CORO2A: variants seen among roughly 807,000 people sequenced by gnomAD.
The protein encoded by CORO2A is coronin 2A.
In CORO2A, 47 loss-of-function variants were observed where a neutral mutation model predicts 62.4. That is an observed-to-expected ratio of 0.75 (90% confidence interval 0.60 to 0.96). The LOEUF is 0.96. Among genes scored for constraint, CORO2A ranks in the 40% least tolerant of loss-of-function variants. CORO2A has a pLI of 0.00. For synonymous variants in CORO2A, 273 were observed against 268.9 expected (o/e 1.02, Z -0.15); for missense variants, 610 against 684.1 (o/e 0.89, Z 1.21).
At chr9:98,155,155 T>G (rs192488557) in intron 2 of CORO2A, among the ~76,000 whole-genome samples, 1 of 152,286 alleles carries the variant, frequency 6.6e-6, no homozygotes, top group East Asian at 1.9e-4. Context: ...GTTGAGTAGT[T>G]TTTCAAATGC....
At chr9:98,153,308 C>A (rs1367130436) in intron 2 of CORO2A, among the ~76,000 whole-genome samples, 2 of 152,022 alleles carry the variant, frequency 1.3e-5, no homozygotes, top group African/African-American at 4.8e-5. Flanking sequence ...ACCATGTTGG[C>A]CAGGCTGATG....
At chr9:98,138,096 T>C (rs1346834702) in intron 2 of CORO2A, among the ~76,000 whole-genome samples, 1 of 152,176 alleles carries the variant, frequency 6.6e-6, no homozygotes, top group Admixed American at 6.5e-5. Context: ...ACCCAGCAAT[T>C]CCACTCCTAG....
rs1308810450 is a variant in CORO2A at position 98,162,470 on chromosome 9, C to A, written c.1-4810G>T. On this transcript the variant is annotated intron_variant, in intron 1 of 11. Coordinates refer to ENST00000375077, the MANE Select transcript of CORO2A (RefSeq NM_052820.4). ...TGTCCGTCCCCCAATCCTCTCCCCACCCTAACTCTTATTTGCACTGCTAAG... is the reference window on the plus strand; with the variant it reads ...TGTCCGTCCCCCAATCCTCTCCCCAACCTAACTCTTATTTGCACTGCTAAG... 3.3e-5 allele frequency among the ~76,000 whole-genome samples: 5 copies of A among 152,320 alleles called. No homozygotes were observed. In the East Asian group the frequency reaches 9.6e-4, roughly 29 times the overall value.
At chr9:98,186,743 G>A (rs183757276) in intron 1 of CORO2A, among the ~76,000 whole-genome samples, 28 of 152,224 alleles carry the variant, frequency 1.8e-4, no homozygotes, top group African/African-American at 6.0e-4. Context: ...TTGGGTTAAC[G>A]TATATAAAAT....
At chr9:98,172,714 T>G (rs1444719405) in intron 1 of CORO2A, 1 of 152,302 alleles carries the variant, frequency 6.6e-6, no homozygotes, top group Non-Finnish European at 1.5e-5. Flanking sequence ...GAGAGGATGG[T>G]GAGGTACCTC....
chr9:98,154,329 G>GTGTATATATATATATA (rs1439685527), intron 2 of CORO2A, among the ~76,000 whole-genome samples: 3 of 88,954 alleles, frequency 3.4e-5, no homozygotes, highest in African/African-American at 1.6e-4. Flanking sequence ...GTGTTTGTGT[G>GTGTATATATATATATA]TATATATATA....
At chr9:98,169,112 T>C (rs989235320) in intron 1 of CORO2A, among the ~76,000 whole-genome samples, 1 of 152,182 alleles carries the variant, frequency 6.6e-6, no homozygotes, top group South Asian at 2.1e-4. Context: ...CCTTTGGGGC[T>C]TGACCATCAC....
rs545558141 is a variant in CORO2A, at chr9:98,186,775, C to T, written c.-1+5784G>A. On this transcript the variant is annotated intron_variant, in intron 1 of 11. Coordinates refer to ENST00000375077, the MANE Select transcript of CORO2A (RefSeq NM_052820.4). ...AAATATTAGATGGTGGTAAGAAGTG[C>T]TAATAAGTGTTTGTTAAATATATAA... Among the ~76,000 whole-genome samples the T allele has an allele frequency of 4.6e-5, 7 of 152,142 alleles. No homozygotes were observed. In the South Asian group the frequency reaches 8.3e-4, roughly 18 times the overall value.
intron 2 of CORO2A, among the ~76,000 whole-genome samples, chr9:98,153,698 A>T (rs1453651063): frequency 6.6e-6 from 1 of 150,448 alleles, no homozygotes; most frequent in Non-Finnish European, 1.5e-5. Context: ...ACACACTCAC[A>T]CACACACCCC....
intron 2 of CORO2A, among the ~76,000 whole-genome samples, chr9:98,153,807 G>A (rs1204607822): frequency 6.6e-6 from 1 of 151,956 alleles, no homozygotes; most frequent in Non-Finnish European, 1.5e-5. Context: ...ATTGCTTCAA[G>A]ATAAAAAGGT....
intron 1 of CORO2A, among the ~76,000 whole-genome samples, chr9:98,159,358 C>G (rs961279829): frequency 1.3e-5 from 2 of 152,178 alleles, no homozygotes; most frequent in African/African-American, 4.8e-5. Flanking sequence ...TCACATCACC[C>G]TCTGATGCTG....
chr9:98,137,550 C>A (rs749758482), intron 3 of CORO2A, 22 bp downstream of exon 3: 7 of 1,590,324 alleles, frequency 4.4e-6, no homozygotes, highest in African/African-American at 1.3e-5. Context: ...GAAGGGGAAG[C>A]CCCTCAGGGG....
Position 98,142,615 on chromosome 9 carries a change from C to T in CORO2A, c.202-4927G>A, listed in dbSNP as rs551520959. On this transcript the variant is annotated intron_variant, in intron 2 of 11. Coordinates refer to ENST00000375077, the MANE Select transcript of CORO2A (RefSeq NM_052820.4). ...GATGAGCCAATAGTCAGGCTGCCCT[C>T]GGGCTGACGGGAGGCAAAGTGCCCA... Among the ~76,000 whole-genome samples the T allele has an allele frequency of 1.4e-4, 22 of 152,332 alleles. No homozygotes were observed. The South Asian group carries it at 2.7e-3, about 19-fold the overall frequency.
intron 1 of CORO2A, among the ~76,000 whole-genome samples, chr9:98,171,848 G>A (rs1160575732): frequency 6.6e-6 from 1 of 151,960 alleles, no homozygotes; most frequent in Non-Finnish European, 1.5e-5. Context: ...TGAGGAGGGG[G>A]CACCTGAGAC....
intron 2 of CORO2A, among the ~76,000 whole-genome samples, chr9:98,156,641 C>A (rs1053670883): frequency 7.9e-5 from 12 of 152,190 alleles, no homozygotes; most frequent in African/African-American, 2.9e-4. Flanking sequence ...CTATGAGATT[C>A]TAATCTGCGT....
At chr9:98,152,980 T>A (rs1336775372) in intron 2 of CORO2A, among the ~76,000 whole-genome samples, 1 of 152,248 alleles carries the variant, frequency 6.6e-6, no homozygotes, top group African/African-American at 2.4e-5. Context: ...TATATTATAA[T>A]TAGCATTGAA....
intron 2 of CORO2A, among the ~76,000 whole-genome samples, chr9:98,150,756 C>T (rs1307964440): frequency 1.3e-5 from 2 of 152,206 alleles, no homozygotes; most frequent in African/African-American, 2.4e-5. Context: ...CTTTTACAAG[C>T]ATGCAAAGCT....
chr9:98,125,284 C>T (rs1827301022), intron 11 of CORO2A, among the ~76,000 whole-genome samples: 1 of 152,176 alleles, frequency 6.6e-6, no homozygotes, highest in African/African-American at 2.4e-5. Flanking sequence ...AAACTGCCCT[C>T]TGTGCAGAAT....
At chr9:98,175,388 G>T (rs1213052116) in intron 1 of CORO2A, among the ~76,000 whole-genome samples, 1 of 152,194 alleles carries the variant, frequency 6.6e-6, no homozygotes, top group Non-Finnish European at 1.5e-5. Flanking sequence ...CCCCTTGAGG[G>T]ACCAGGGACC....
Sources: allele counts gnomAD v4.1 joint callset (sites outside exome capture counted in the v4.1 genomes callset), GRCh38; gene constraint gnomAD v4.1.1; transcripts MANE v1.5; gene names NCBI Gene and HGNC (gene_info 2026-07-23, HGNC 2026-07-21).